The following CHAD variants were observed in gnomAD, a reference collection of about 807,000 sequenced individuals.
CHAD encodes chondroadherin.
Under a neutral mutation model 24.0 loss-of-function variants are expected in CHAD, and 18 were observed. The ratio of observed to expected loss-of-function variants is 0.75; its 90% CI spans 0.52 to 1.11. The LOEUF (loss-of-function observed/expected upper bound fraction) is 1.11, where lower values mean the gene tolerates loss of function less well. Ranked by LOEUF, CHAD falls within the 50% of genes most tolerant of loss-of-function variation. The pLI is 0.00. For synonymous variants in CHAD, 195 were observed against 211.6 expected, an observed-to-expected ratio of 0.92 and a Z score of 0.68; for missense variants, 440 against 467.2, an observed-to-expected ratio of 0.94 and a Z score of 0.54.
rs951854866 is a variant in CHAD, at chr17:50,464,985, GAGA to G, written c.*66_*68del. The G allele has an allele frequency of 1.2e-5, 5 of 401,042 alleles. No homozygotes were observed. The highest frequency in any genetic ancestry group is 4.1e-5 in the African/African-American group (2 of 49,030). 24.8% of individuals were successfully genotyped at this position (401,042 alleles called of 1,614,324 possible). The stretch of plus-strand genomic sequence containing the variant: ...GTGGGGAGAAGGTATGGGTGGAGGT[GAGA>G]AGGTCAGTAGTCTCTCCGGTGGAAG... On this transcript the variant is annotated 3_prime_UTR_variant, in exon 4 of 4. Transcript: ENST00000508540.
intron 1 of CHAD, among the ~76,000 whole-genome samples, chr17:50,467,364 G>A (rs975948465): frequency 3.3e-5 from 5 of 152,202 alleles, no homozygotes; most frequent in African/African-American, 7.2e-5. Flanking sequence ...GCCCCTTCAC[G>A]GAGCCCATGG....
At position 50,468,678 on chromosome 17, in the gene CHAD, T is replaced by C; in HGVS notation, c.136A>G (p.Ile46Val). ...VICDKVGLQK[I>V]PKVSEKTKLL... ...TTGGTCTTCTCTGACACCTTGGGGA[T>C]CTTCTGCAGCCCCACCTTGTCGCAG... The change falls in exon 1 of 4, where the codon ATC becomes GTC. Residue 46 changes from isoleucine to valine, a missense_variant. By Grantham distance (29) the Ile-to-Val change is conservative. Transcript: ENST00000508540. 1 of 1,614,000 alleles carries C rather than the reference T, an allele frequency of 6.2e-7. No individual in the cohort carries two copies. The highest frequency in any genetic ancestry group is 8.5e-7 in the Non-Finnish European group (1 of 1,180,028).
chr17:50,467,665 G>T (rs1359737679), intron 1 of CHAD, among the ~76,000 whole-genome samples: 5 of 152,180 alleles, frequency 3.3e-5, no homozygotes, highest in Admixed American at 3.3e-4. Flanking sequence ...TTTATGGGGT[G>T]GTAGGTTTAC....
At chr17:50,465,153 G>A (rs1362001543) in intron 3 of CHAD, 104 bp from the exon 4 acceptor site, 2 of 933,526 alleles carry the variant, frequency 2.1e-6, no homozygotes, top group Non-Finnish European at 3.2e-6. Flanking sequence ...TTCAACAGGG[G>A]ACCCAGTCGT....
chr17:50,467,101 G>A (rs540718848), intron 1 of CHAD, among the ~76,000 whole-genome samples: 4 of 152,334 alleles, frequency 2.6e-5, no homozygotes, highest in African/African-American at 9.6e-5. Flanking sequence ...CCTGGCTGAA[G>A]CCCCTGTACC....
Position 50,464,771 on chromosome 17 carries a change from G to A in CHAD, c.*283C>T, listed in dbSNP as rs577577426. On this transcript the variant is annotated 3_prime_UTR_variant, in exon 4 of 4. Coordinates refer to ENST00000508540, the MANE Select transcript of CHAD (RefSeq NM_001267.3). ...ACCTGTTGTGGTTCTGATTGACTTG[G>A]GGGGGGGGTCTCAGCAACAGCTTCT... 1.2e-5 allele frequency: 4 copies of A among 328,800 alleles called. 1 individual carries two copies. The highest frequency in any genetic ancestry group is 4.0e-5 in the Admixed American group (1 of 24,956). The allele number at this position is 328,800 out of a possible 1,614,324, so 20.4% of individuals were successfully genotyped here. A position where few individuals can be genotyped will look rare whatever the true frequency, so the allele number is the denominator to read the frequency against.
chr17:50,465,544 A>G, intron 2 of CHAD, 105 bp from the exon 3 acceptor site: 1 of 1,491,746 alleles, frequency 6.7e-7, no homozygotes, highest in Non-Finnish European at 9.1e-7. Flanking sequence ...GGATAGTCTG[A>G]AGCTGTCATC....
intron 1 of CHAD, among the ~76,000 whole-genome samples, chr17:50,467,577 C>A (rs79558609): frequency 6.6e-6 from 1 of 152,180 alleles, no homozygotes; most frequent in Non-Finnish European, 1.5e-5. Flanking sequence ...CATGCACAGC[C>A]CCCACCAGGA....
rs904517853 is a variant in CHAD, at chr17:50,468,262, G to C, written c.552C>G (p.Ser184Arg). ...CGTCCAGGGCCCCGGGCTGCAGGGA[G>C]CTCAACGCGTTTTCCGACAGGTAGA... is the stretch of plus-strand genomic sequence containing the variant. ...RWLYLSENAL[S>R]SLQPGALDDV... Residue 184 changes from serine to arginine, a missense_variant, in exon 1 of 4, where the codon AGC becomes AGG. Ser to Arg is a moderately radical substitution (Grantham distance 110). Transcript: ENST00000508540. 1 of 1,611,362 alleles carries C rather than the reference G, an allele frequency of 6.2e-7. No individual in the cohort carries two copies. The highest frequency in any genetic ancestry group is 8.5e-7 in the Non-Finnish European group (1 of 1,177,728).
rs879132375 is a variant in CHAD at position 50,465,848 on chromosome 17, C to A, written c.797G>T (p.Gly266Val). 5 of 1,613,684 alleles carry A rather than the reference C, an allele frequency of 3.1e-6. No individual in the cohort carries two copies. The Admixed American group carries it at 8.3e-5, about 27-fold the overall frequency. Residue 266 changes from glycine (G) to valine (V), a missense_variant, in exon 2 of 4, where the codon GGT (glycine) becomes GTT (valine). Transcript: ENST00000508540. ...LEKFSDGAFLGVTTLKHVHLE... is the reference protein window; with the variant it reads ...LEKFSDGAFLVVTTLKHVHLE... Reference sequence around the variant, plus strand: ...ATGGACGTGTTTCAGCGTGGTTACACCCAGGAAGGCACCATCTGAGAACTG... The same window carrying A: ...ATGGACGTGTTTCAGCGTGGTTACAACCAGGAAGGCACCATCTGAGAACTG...
chr17:50,465,226 G>C, intron 3 of CHAD, 68 bp downstream of exon 3: 3 of 1,583,048 alleles, frequency 1.9e-6, no homozygotes, highest in Non-Finnish European at 2.6e-6. Flanking sequence ...GGGTATCCTG[G>C]AAGATACCAG....
In CHAD at chr17:50,464,939, C is replaced by T. The variant is rs2032599118; in HGVS notation, c.*115G>A. 2 of 351,746 alleles carry T rather than the reference C, an allele frequency of 5.7e-6. No homozygotes were observed. Among genetic ancestry groups the T allele is most frequent in the South Asian group, 4.9e-5 (2 of 40,568 alleles). 21.8% of individuals were successfully genotyped at this position (351,746 alleles called of 1,614,324 possible). A position where few individuals can be genotyped will look rare whatever the true frequency, so the allele number is the denominator to read the frequency against. On this transcript the variant is annotated 3_prime_UTR_variant, in exon 4 of 4. Transcript: ENST00000508540. Reference sequence around the variant, plus strand: ...CCAGGACGTGTCTAGGTGTAGGCAGCTCTGTGCATCAGCAGAGGCTGTGGG... The same window carrying T: ...CCAGGACGTGTCTAGGTGTAGGCAGTTCTGTGCATCAGCAGAGGCTGTGGG...
Position 50,464,767 on chromosome 17 carries a change from C to CG in CHAD, c.*286_*287insC. The CG allele has an allele frequency of 7.4e-6, 1 of 135,996 alleles. No individual in the cohort carries two copies. Among genetic ancestry groups the CG allele is most frequent in the South Asian group, 5.2e-5 (1 of 19,390 alleles). 8.4% of individuals were successfully genotyped at this position (135,996 alleles called of 1,614,324 possible). ...ACCAACCTGTTGTGGTTCTGATTGA[C>CG]TTGGGGGGGGGGTCTCAGCAACAGC... On this transcript the variant is annotated 3_prime_UTR_variant, in exon 4 of 4. Coordinates refer to ENST00000508540, the MANE Select transcript of CHAD (RefSeq NM_001267.3).
In CHAD at chr17:50,465,755, A is replaced by G; in HGVS notation, c.890T>C (p.Leu297Pro). The G allele has an allele frequency of 6.2e-7, 1 of 1,613,716 alleles. No homozygotes were observed. The highest frequency in any genetic ancestry group is 8.5e-7 in the Non-Finnish European group (1 of 1,179,944). ...FPFDSLETLALTNNPWKCTCQ... is the reference protein window; with the variant it reads ...FPFDSLETLAPTNNPWKCTCQ... ...GGTACACTTCCAGGGGTTATTGGTA[A>G]GGGCGAGGGTCTCCAGGCTGTCGAA... The change falls in exon 2 of 4, where the codon CTT becomes CCT. Residue 297 changes from leucine to proline, a missense_variant. Physicochemically the swap from Leu to Pro is moderately conservative, Grantham distance 98. Coordinates refer to ENST00000508540, the MANE Select transcript of CHAD (RefSeq NM_001267.3).
In CHAD at chr17:50,468,190, G is replaced by A; in HGVS notation, c.624C>T (p.Ser208=). 1.9e-6 allele frequency: 3 copies of A among 1,614,068 alleles called. No individual in the cohort carries two copies. The East Asian group carries it at 6.7e-5, about 36-fold the overall frequency. Residue 208 remains serine (S), a synonymous_variant, in exon 1 of 4, where the codon TCC becomes TCT. Coordinates refer to ENST00000508540, the MANE Select transcript of CHAD (RefSeq NM_001267.3). ...AKFHVDRNQL[S]SYPSAALSKL... is the part of the protein sequence containing the mutation. ...TGCTCAGGGCAGCTGAGGGGTAGCT[G>A]GACAGCTGGTTCCTGTCCACGTGGA...
At position 50,464,971 on chromosome 17, in the gene CHAD, G is replaced by A. The variant is rs370271855; in HGVS notation, c.*83C>T. 5.3e-4 allele frequency: 203 copies of A among 380,136 alleles called. 1 individual carries two copies. Among genetic ancestry groups the A allele is most frequent in the African/African-American group, 3.8e-3 (182 of 48,422 alleles). 23.5% of individuals were successfully genotyped at this position (380,136 alleles called of 1,614,324 possible). On this transcript the variant is annotated 3_prime_UTR_variant, in exon 4 of 4. Transcript: ENST00000508540. ...CATCAGCAGAGGCTGTGGGGAGAAG[G>A]TATGGGTGGAGGTGAGAAGGTCAGT...
rs1459622576 is a variant in CHAD, at chr17:50,468,109, C to T, written c.705G>A (p.Pro235=). ...KLSHNPLKSI[P]DNAFQSFGRY... Reference sequence around the variant, plus strand: ...TGCCAAAGGACTGGAAGGCATTGTCCGGGATGCTTTTCAGGGGGTTGTGGG... The same window carrying T: ...TGCCAAAGGACTGGAAGGCATTGTCTGGGATGCTTTTCAGGGGGTTGTGGG... Residue 235 remains proline (P), a synonymous_variant, in exon 1 of 4, where the codon CCG becomes CCA. Coordinates refer to ENST00000508540, the MANE Select transcript of CHAD (RefSeq NM_001267.3). 2 of 1,613,932 alleles carry T rather than the reference C, an allele frequency of 1.2e-6. No homozygotes were observed. Among genetic ancestry groups the T allele is most frequent in the South Asian group, 2.2e-5 (2 of 91,002 alleles).
Position 50,468,807 on chromosome 17 carries a change from G to T in CHAD, c.7C>A (p.Arg3Ser). The change falls in exon 1 of 4, where the codon CGC (arginine) becomes AGC (serine). Residue 3 changes from arginine to serine, a missense_variant. Physicochemically the swap from Arg to Ser is moderately radical, Grantham distance 110. Transcript: ENST00000508540. MV[R>S]PMLLLSLGLL... ...CCGAGGCTGAGCAAGAGCATTGGGCGGACCATGGCTGGGACGCCTGGGGCC... is the reference window on the plus strand; with the variant it reads ...CCGAGGCTGAGCAAGAGCATTGGGCTGACCATGGCTGGGACGCCTGGGGCC... 2 of 1,534,190 alleles carry T rather than the reference G, an allele frequency of 1.3e-6. No homozygotes were observed. Among genetic ancestry groups the T allele is most frequent in the Admixed American group, 2.0e-5 (1 of 50,296 alleles).
At chr17:50,467,786 G>A in intron 1 of CHAD, 1 of 412,688 alleles carries the variant, frequency 2.4e-6, no homozygotes, top group Non-Finnish European at 4.3e-6. Context: ...GGGGCCTTTT[G>A]TGGGGCCAGG....
Sources: gnomAD v4.1 joint callset for allele counts (sites outside exome capture counted in the v4.1 genomes callset) on GRCh38, gnomAD v4.1.1 for gene constraint, MANE v1.5 for transcripts, NCBI Gene and HGNC (gene_info 2026-07-23, HGNC 2026-07-21) for gene names.